Variants in SUCLG2 observed in about 807,000 individuals in gnomAD.
The protein encoded by SUCLG2 is succinate-CoA ligase GDP-forming subunit beta, also known as succinate--CoA ligase [GDP-forming] subunit beta, mitochondrial.
In SUCLG2, 42 loss-of-function variants were observed where a neutral mutation model predicts 47.9. That is an observed-to-expected ratio of 0.88 (90% confidence interval 0.69 to 1.14). The LOEUF (loss-of-function observed/expected upper bound fraction) is 1.14. Ranked by LOEUF, SUCLG2 falls within the 50% of genes most tolerant of loss-of-function variation. SUCLG2 has a pLI of 0.00. For synonymous variants in SUCLG2, 195 were observed against 197.3 expected, an observed-to-expected ratio of 0.99 and a Z score of 0.10; for missense variants, 571 against 525.9, an observed-to-expected ratio of 1.09 and a Z score of -0.84.
intron 9 of SUCLG2, among the ~76,000 whole-genome samples, chr3:67,428,161 C>T (rs1177937174): frequency 1.3e-5 from 2 of 152,222 alleles, no homozygotes; most frequent in Non-Finnish European, 2.9e-5. Flanking sequence ...GGGTCCCTGA[C>T]CCCTGAGTAG....
At chr3:67,479,683 T>C (rs1704860225) in intron 9 of SUCLG2, among the ~76,000 whole-genome samples, 1 of 152,210 alleles carries the variant, frequency 6.6e-6, no homozygotes. Flanking sequence ...AGAAATCTCT[T>C]GTGAAAAGAA....
intron 9 of SUCLG2, among the ~76,000 whole-genome samples, chr3:67,409,239 T>C (rs1378128943): frequency 6.6e-6 from 1 of 151,662 alleles, no homozygotes; most frequent in Admixed American, 6.6e-5. Context: ...CTAAACTCTG[T>C]CCTGAGCTGA....
chr3:67,400,951 GT>G (rs1190054602), intron 9 of SUCLG2, 100 bp from the exon 10 acceptor site: 2 of 1,514,578 alleles, frequency 1.3e-6, no homozygotes, highest in Non-Finnish European at 8.9e-7. Flanking sequence ...AAGACTGCTC[GT>G]TTTTTTGTTT....
At chr3:67,422,929 G>A (rs1280696851) in intron 9 of SUCLG2, among the ~76,000 whole-genome samples, 1 of 152,190 alleles carries the variant, frequency 6.6e-6, no homozygotes, top group Non-Finnish European at 1.5e-5. Flanking sequence ...CTGGACCTGA[G>A]AATGGAAGGT....
chr3:67,558,482 C>T (rs556782484), intron 2 of SUCLG2, among the ~76,000 whole-genome samples: 8 of 152,250 alleles, frequency 5.3e-5, no homozygotes, highest in African/African-American at 1.9e-4. Context: ...ACTATGGTCC[C>T]ACCTGGCTTG....
At chr3:67,558,135 C>G (rs966216613) in intron 2 of SUCLG2, among the ~76,000 whole-genome samples, 3 of 151,988 alleles carry the variant, frequency 2.0e-5, no homozygotes, top group Non-Finnish European at 4.4e-5. Flanking sequence ...TTATTATGTG[C>G]AATTACATCA....
At chr3:67,532,645 T>C (rs1021016717) in intron 2 of SUCLG2, among the ~76,000 whole-genome samples, 4 of 152,212 alleles carry the variant, frequency 2.6e-5, no homozygotes, top group Admixed American at 2.6e-4. Context: ...CTCAGTTTAA[T>C]AGGAACCAGT....
intron 2 of SUCLG2, among the ~76,000 whole-genome samples, chr3:67,596,006 T>C (rs946286515): frequency 1.3e-5 from 2 of 152,238 alleles, no homozygotes; most frequent in African/African-American, 4.8e-5. Flanking sequence ...AGAAAATCAT[T>C]CCATTTTGTA....
intron 8 of SUCLG2, among the ~76,000 whole-genome samples, chr3:67,497,076 G>A (rs1171607737): frequency 6.6e-6 from 1 of 152,088 alleles, no homozygotes; most frequent in Non-Finnish European, 1.5e-5. Flanking sequence ...CTTTCTAAAT[G>A]CCTACAAATA....
chr3:67,540,584 T>C (rs546231672), intron 2 of SUCLG2, among the ~76,000 whole-genome samples: 1 of 152,286 alleles, frequency 6.6e-6, no homozygotes, highest in Admixed American at 6.5e-5. Context: ...CTCCCTGGGA[T>C]AGAGCACCTG....
intron 2 of SUCLG2, among the ~76,000 whole-genome samples, chr3:67,558,331 CAA>C (rs35100169): frequency 0.033 from 3,805 of 114,732 alleles, 147 homozygotes; most frequent in African/African-American, 0.1. Flanking sequence ...TCTTTGACAC[CAA>C]AAAAAAAAAA....
intron 10 of SUCLG2, among the ~76,000 whole-genome samples, chr3:67,390,948 T>C (rs375857721): frequency 6.6e-6 from 1 of 152,334 alleles, no homozygotes; most frequent in East Asian, 1.9e-4. Flanking sequence ...AAGAGGAATA[T>C]GCTTGTTTCT....
chr3:67,360,836 A>G (rs985688703), intron 10 of SUCLG2: 3 of 1,265,316 alleles, frequency 2.4e-6, no homozygotes, highest in African/African-American at 3.0e-5. Context: ...CAACAACAGT[A>G]TGGTATTCCT....
rs141631168 is a variant in SUCLG2 at position 67,541,955 on chromosome 3, T to A, written c.227-12769A>T. On this transcript the variant is annotated intron_variant, in intron 2 of 10. Transcript: ENST00000307227. ...ACAATCTTGGCTCGCTGCAACCTCC[T>A]CCTCCTGGGTTCAAGCAGTTCTCCT... 4.4e-3 allele frequency among the ~76,000 whole-genome samples: 669 copies of A among 151,718 alleles called. 8 individuals are homozygous for A. The East Asian group carries it at 0.053, about 12-fold the overall frequency.
chr3:67,408,971 C>A (rs1375628243), intron 9 of SUCLG2: 1 of 1,535,196 alleles, frequency 6.5e-7, no homozygotes, highest in Admixed American at 2.0e-5. Flanking sequence ...TTCCAAGCTT[C>A]AAGAACGTGC....
At chr3:67,555,765 GA>G (rs1448335859) in intron 2 of SUCLG2, among the ~76,000 whole-genome samples, 1 of 152,178 alleles carries the variant, frequency 6.6e-6, no homozygotes, top group Non-Finnish European at 1.5e-5. Flanking sequence ...ATGGAAATGA[GA>G]ATACCAATTG....
At chr3:67,447,410 G>C (rs1251277563) in intron 9 of SUCLG2, among the ~76,000 whole-genome samples, 1 of 152,128 alleles carries the variant, frequency 6.6e-6, no homozygotes, top group Non-Finnish European at 1.5e-5. Context: ...TCATTGAGCA[G>C]TTATTACATG....
intron 9 of SUCLG2, among the ~76,000 whole-genome samples, chr3:67,470,761 A>C (rs778458789): frequency 2.0e-4 from 31 of 152,224 alleles, no homozygotes; most frequent in Non-Finnish European, 4.0e-4. Context: ...TTTTCTTTAT[A>C]AACTACACAG....
At chr3:67,582,080 C>T (rs938754561) in intron 2 of SUCLG2, among the ~76,000 whole-genome samples, 2 of 152,076 alleles carry the variant, frequency 1.3e-5, no homozygotes, top group Non-Finnish European at 2.9e-5. Context: ...AGAAATTTTG[C>T]CATGTGCATG....
Sources: allele counts gnomAD v4.1 joint callset (sites outside exome capture counted in the v4.1 genomes callset), GRCh38; gene constraint gnomAD v4.1.1; transcripts MANE v1.5; gene names NCBI Gene and HGNC (gene_info 2026-07-23, HGNC 2026-07-21).